The following TSHZ2 variants were observed in gnomAD, a reference collection of about 807,000 sequenced individuals.
TSHZ2 encodes teashirt homolog 2.
TSHZ2 carries 21 observed loss-of-function variants against 74.4 expected under a neutral mutation model. The ratio of observed to expected loss-of-function variants is 0.28; its 90% CI spans 0.20 to 0.41. The LOEUF is 0.41. Among genes scored for constraint, TSHZ2 ranks in the 10% least tolerant of loss-of-function variants. TSHZ2 has a pLI of 1.00. For missense variants in TSHZ2, 1,244 were observed against 1,293.5 expected (o/e 0.96, Z 0.59); for synonymous variants, 540 against 515.3 (o/e 1.05, Z -0.65).
rs544547889 is a variant in TSHZ2 at position 53,069,746 on chromosome 20, A to G, written c.40+96413A>G. Reference sequence around the variant, plus strand: ...CCATATAACGAGAGGAAAAGCAAAGAGACGCCACTGGATGAGGGGAGCCAT... The same window carrying G: ...CCATATAACGAGAGGAAAAGCAAAGGGACGCCACTGGATGAGGGGAGCCAT... On this transcript the variant is annotated intron_variant, in intron 1 of 2. Coordinates refer to ENST00000371497, the MANE Select transcript of TSHZ2 (RefSeq NM_173485.6). 6.1e-4 allele frequency among the ~76,000 whole-genome samples: 92 copies of G among 151,862 alleles called. 1 individual carries two copies. The Middle Eastern group carries it at 0.014, about 22-fold the overall frequency.
At chr20:53,204,084 T>C (rs926970439) in intron 1 of TSHZ2, among the ~76,000 whole-genome samples, 2 of 121,780 alleles carry the variant, frequency 1.6e-5, no homozygotes, top group East Asian at 5.1e-4. Flanking sequence ...ATACTATTTA[T>C]ATCATCATAT....
chr20:53,007,956 T>C (rs551774167), intron 1 of TSHZ2, among the ~76,000 whole-genome samples: 1 of 152,264 alleles, frequency 6.6e-6, no homozygotes, highest in South Asian at 2.1e-4. Flanking sequence ...TTATAAATTA[T>C]GTGTAAGGGT....
At chr20:53,005,303 C>T (rs577800252) in intron 1 of TSHZ2, among the ~76,000 whole-genome samples, 1 of 152,092 alleles carries the variant, frequency 6.6e-6, no homozygotes, top group South Asian at 2.1e-4. Context: ...CAGAGAGAGA[C>T]TCTGTCTCAA....
chr20:53,165,020 G>A (rs967730391), intron 1 of TSHZ2, among the ~76,000 whole-genome samples: 1 of 152,104 alleles, frequency 6.6e-6, no homozygotes, highest in Non-Finnish European at 1.5e-5. Flanking sequence ...CCTGCCTAGT[G>A]GTCTTGCAAA....
intron 1 of TSHZ2, among the ~76,000 whole-genome samples, chr20:52,981,454 C>A (rs569552301): frequency 2.0e-5 from 3 of 152,180 alleles, no homozygotes; most frequent in East Asian, 3.9e-4. Flanking sequence ...CAGAGGAGGG[C>A]TGAGAAAGTG....
At chr20:53,387,603 A>T (rs747477915) in intron 2 of TSHZ2, among the ~76,000 whole-genome samples, 3 of 152,146 alleles carry the variant, frequency 2.0e-5, no homozygotes, top group Non-Finnish European at 4.4e-5. Context: ...TTGGGAAGAA[A>T]CCAACCTGAC....
intron 2 of TSHZ2, among the ~76,000 whole-genome samples, chr20:53,263,079 G>A (rs887691075): frequency 8.5e-5 from 13 of 152,202 alleles, no homozygotes; most frequent in African/African-American, 2.2e-4. Context: ...CTTGCAGGAG[G>A]CATAGAATAT....
At chr20:52,989,679 G>T (rs891454614) in intron 1 of TSHZ2, among the ~76,000 whole-genome samples, 3 of 151,930 alleles carry the variant, frequency 2.0e-5, no homozygotes, top group African/African-American at 2.4e-5. Flanking sequence ...ACAAATTTTA[G>T]TTATTATTTC....
chr20:53,372,619 A>C (rs1981517311), intron 2 of TSHZ2, among the ~76,000 whole-genome samples: 2 of 152,110 alleles, frequency 1.3e-5, no homozygotes, highest in Non-Finnish European at 2.9e-5. Context: ...TGTGACTCTA[A>C]CTTTCCTATC....
chr20:53,187,738 GA>G (rs11475445), intron 1 of TSHZ2, among the ~76,000 whole-genome samples: 26,588 of 145,896 alleles, frequency 0.18, 2,404 homozygotes, highest in Admixed American at 0.25. Context: ...TGATGGGAAA[GA>G]AAAAAAAAAA....
At chr20:53,406,721 A>G (rs931431843) in intron 2 of TSHZ2, among the ~76,000 whole-genome samples, 10 of 152,312 alleles carry the variant, frequency 6.6e-5, no homozygotes, top group Non-Finnish European at 1.5e-4. Flanking sequence ...GGTCCCAAAT[A>G]ATGACAGAAG....
At chr20:53,127,682 A>G (rs2123372422) in intron 1 of TSHZ2, among the ~76,000 whole-genome samples, 1 of 152,384 alleles carries the variant, frequency 6.6e-6, no homozygotes, top group Admixed American at 6.5e-5. Flanking sequence ...CATGTCAGGC[A>G]TGCACTCAGT....
chr20:53,306,738 TG>T (rs1978561952), intron 2 of TSHZ2, among the ~76,000 whole-genome samples: 1 of 152,222 alleles, frequency 6.6e-6, no homozygotes, highest in Non-Finnish European at 1.5e-5. Context: ...TTTTCTAATT[TG>T]GGTAATGAAA....
chr20:53,153,758 C>T (rs1987728974), intron 1 of TSHZ2, among the ~76,000 whole-genome samples: 1 of 152,130 alleles, frequency 6.6e-6, no homozygotes, highest in Non-Finnish European at 1.5e-5. Context: ...CATTAAAAAA[C>T]CATTCCAAAA....
rs1990423267 is a variant in TSHZ2, at chr20:53,254,692, GCCTCCAAGAAAGGGAAGCAGCT to G, written c.1235_1256del (p.Ala412GlyfsTer3). ...TCACTTTCTCAAGGTCACCAGCTCT[GCCTCCAAGAAAGGGAAGCAGCT>G]GGTATTAGACCCGTTAGCAGTGGAG... is the stretch of plus-strand genomic sequence containing the variant. On this transcript the variant is annotated frameshift_variant, in exon 2 of 3. Transcript: ENST00000371497. LOFTEE classifies it high-confidence loss of function. 1 of 1,614,082 alleles carries G rather than the reference GCCTCCAAGAAAGGGAAGCAGCT, an allele frequency of 6.2e-7. No individual in the cohort carries two copies. The highest frequency in any genetic ancestry group is 8.5e-7 in the Non-Finnish European group (1 of 1,180,042).
intron 1 of TSHZ2, among the ~76,000 whole-genome samples, chr20:53,203,979 G>C (rs1177536865): frequency 6.6e-6 from 1 of 151,318 alleles, no homozygotes; most frequent in Non-Finnish European, 1.5e-5. Flanking sequence ...GAAAGGCTTA[G>C]TCCAAAAACC....
chr20:53,266,590 A>G (rs976416668), intron 2 of TSHZ2, among the ~76,000 whole-genome samples: 7 of 152,114 alleles, frequency 4.6e-5, no homozygotes, highest in African/African-American at 1.7e-4. Flanking sequence ...CATCATTACT[A>G]CTAGTAAGAA....
rs189343153 is a variant in TSHZ2 at position 53,450,173 on chromosome 20, C to T, written c.*9-36971C>T. ...TGAACTGAGACACAGTAGTATTGAA[C>T]ATATTTGCTCCACTAATTATTTTGC... is the stretch of plus-strand genomic sequence containing the variant. On this transcript the variant is annotated intron_variant, in intron 2 of 2. Coordinates refer to ENST00000371497, the MANE Select transcript of TSHZ2 (RefSeq NM_173485.6). 9.7e-4 allele frequency among the ~76,000 whole-genome samples: 148 copies of T among 152,336 alleles called. 6 individuals are homozygous for T. The East Asian group carries it at 0.028, about 29-fold the overall frequency.
At chr20:53,062,687 G>A (rs371484517) in intron 1 of TSHZ2, among the ~76,000 whole-genome samples, 3 of 152,148 alleles carry the variant, frequency 2.0e-5, no homozygotes, top group Non-Finnish European at 4.4e-5. Context: ...CCACTAAAAC[G>A]TACTCCATAT....
Sources: allele counts gnomAD v4.1 joint callset (sites outside exome capture counted in the v4.1 genomes callset), GRCh38; gene constraint gnomAD v4.1.1; transcripts MANE v1.5; gene names NCBI Gene and HGNC (gene_info 2026-07-23, HGNC 2026-07-21).